The following FOXK1 variants were observed in gnomAD, a reference collection of about 807,000 sequenced individuals.
The protein encoded by FOXK1 is forkhead box protein K1.
A neutral mutation model predicts 51.9 loss-of-function variants in FOXK1; 19 were observed. The ratio of observed to expected loss-of-function variants is 0.37; its 90% CI spans 0.26 to 0.54. The LOEUF is 0.54. FOXK1 is among the 20% of genes least tolerant of loss of function. FOXK1 has a pLI of 0.87. For synonymous variants in FOXK1, 537 were observed against 482.6 expected (o/e 1.11, Z -1.48); for missense variants, 870 against 1,032.7 (o/e 0.84, Z 2.16).
Position 4,761,406 on chromosome 7 carries a change from G to C in FOXK1, c.1921+118G>C, listed in dbSNP as rs752840641. On this transcript the variant is annotated intron_variant, in intron 8 of 8. Transcript: ENST00000328914. This position sits in a 1 kb window ranked among gnomAD's most constrained non-coding sequence, Gnocchi z 6.2. ...GATCCTCCACTCAGTTCAATTTATT[G>C]AGCACCTGCTATACTCCAGGCACTG... 9.6e-7 allele frequency: 1 copy of C among 1,046,994 alleles called. No homozygotes were observed. Among genetic ancestry groups the C allele is most frequent in the Non-Finnish European group, 1.4e-6 (1 of 718,472 alleles). 64.9% of individuals were successfully genotyped at this position (1,046,994 alleles called of 1,614,324 possible).
chr7:4,745,274 G>C lies in FOXK1; in HGVS notation c.746+4251G>C, dbSNP rs1232721423. 6.6e-6 allele frequency among the ~76,000 whole-genome samples: 1 copy of C among 152,214 alleles called. No homozygotes were observed. Among genetic ancestry groups the C allele is most frequent in the Non-Finnish European group, 1.5e-5 (1 of 68,044 alleles). ...CATTGGCCGTGGAGTGGCTGGCTCG[G>C]TGTAGGCCGGGCTCGCCCAGGGCCC... is the stretch of plus-strand genomic sequence containing the variant. On this transcript the variant is annotated intron_variant, in intron 2 of 8. Transcript: ENST00000328914. The surrounding 1 kb of genome is among the most constrained non-coding windows in gnomAD (Gnocchi z 4.3).
At position 4,709,419 on chromosome 7, in the gene FOXK1, G is replaced by A. The variant is rs1254335552; in HGVS notation, c.560+26551G>A. 1.3e-5 allele frequency among the ~76,000 whole-genome samples: 2 copies of A among 152,160 alleles called. No individual in the cohort carries two copies. The highest frequency in any genetic ancestry group is 2.9e-5 in the Non-Finnish European group (2 of 68,038). Reference sequence around the variant, plus strand: ...GGACAGGGCCAGGCTCTTCCCAAGCGCACAGTCCACATAGGCTGCTTATCT... The same window carrying A: ...GGACAGGGCCAGGCTCTTCCCAAGCACACAGTCCACATAGGCTGCTTATCT... On this transcript the variant is annotated intron_variant, in intron 1 of 8. Transcript: ENST00000328914. The surrounding 1 kb of genome is among the most constrained non-coding windows in gnomAD (Gnocchi z 5.6).
intron 1 of FOXK1, among the ~76,000 whole-genome samples, chr7:4,737,455 CG>C (rs1780567691): frequency 2.0e-5 from 3 of 150,902 alleles, no homozygotes; most frequent in East Asian, 2.0e-4. Context: ...TGTGCGTGCA[CG>C]TGTGCATGTG....
chr7:4,687,854 T>A (rs1453768380), intron 1 of FOXK1, among the ~76,000 whole-genome samples: 1 of 152,136 alleles, frequency 6.6e-6, no homozygotes, highest in Admixed American at 6.6e-5. Flanking sequence ...TACTTTTCTG[T>A]GTTTTCCATG....
At chr7:4,751,240 C>T (rs1018166089) in intron 2 of FOXK1, among the ~76,000 whole-genome samples, 2 of 151,374 alleles carry the variant, frequency 1.3e-5, no homozygotes, top group Non-Finnish European at 2.9e-5. Flanking sequence ...AGGATGGTCT[C>T]GCTCTCCTGA....
chr7:4,685,630 T>C (rs1779809565), intron 1 of FOXK1, among the ~76,000 whole-genome samples: 1 of 151,834 alleles, frequency 6.6e-6, no homozygotes, highest in Non-Finnish European at 1.5e-5. Flanking sequence ...TTCTTAAGCC[T>C]GGACTACATT....
chr7:4,718,878 CG>C (rs1462644167), intron 1 of FOXK1, among the ~76,000 whole-genome samples: 2 of 151,734 alleles, frequency 1.3e-5, no homozygotes, highest in Admixed American at 6.6e-5. Context: ...GGCACAATCT[CG>C]GCTCCCCACA....
At position 4,705,976 on chromosome 7, in the gene FOXK1, A is replaced by G. The variant is rs375967738; in HGVS notation, c.560+23108A>G. ...TATATATATGTATATATATATACGT[A>G]TATATACGTATATATACGTATATAT... On this transcript the variant is annotated intron_variant, in intron 1 of 8. Coordinates refer to ENST00000328914, the MANE Select transcript of FOXK1 (RefSeq NM_001037165.2). Among the ~76,000 whole-genome samples the G allele has an allele frequency of 5.8e-4, 62 of 107,536 alleles. 3 individuals are homozygous for G. The highest frequency in any genetic ancestry group is 4.4e-3 in the Middle Eastern group (1 of 228). The allele number at this position is 107,536 out of a possible 152,430, so 70.5% of individuals were successfully genotyped here.
In FOXK1 at chr7:4,733,029, C is replaced by G. The variant is rs1311771463; in HGVS notation, c.561-7809C>G. 6.6e-6 allele frequency among the ~76,000 whole-genome samples: 1 copy of G among 152,180 alleles called. No homozygotes were observed. The highest frequency in any genetic ancestry group is 1.5e-5 in the Non-Finnish European group (1 of 68,040). On this transcript the variant is annotated intron_variant, in intron 1 of 8. Transcript: ENST00000328914. The surrounding 1 kb of genome is among the most constrained non-coding windows in gnomAD (Gnocchi z 5.0). ...GAACTTTCTCCTGAGAGCCCTGGCT[C>G]TCTCCTGCACAGCTCTGGGCTCCTG...
Position 4,755,896 on chromosome 7 carries a change from T to G in FOXK1, c.1050+513T>G, listed in dbSNP as rs1392938243. Among the ~76,000 whole-genome samples the G allele has an allele frequency of 7.5e-6, 1 of 132,534 alleles. No individual in the cohort carries two copies. The highest frequency in any genetic ancestry group is 2.8e-5 in the African/African-American group (1 of 35,476). The allele number at this position is 132,534 out of a possible 152,430, so 86.9% of individuals were successfully genotyped here. ...CTTCTGAGCCCCAGAACTGAGAAGA[T>G]GGATCTACACCTTGTTAGATTTTTG... On this transcript the variant is annotated intron_variant, in intron 4 of 8. Transcript: ENST00000328914. The surrounding 1 kb of genome is among the most constrained non-coding windows in gnomAD (Gnocchi z 6.6).
chr7:4,720,599 C>T (rs1379946669), intron 1 of FOXK1, among the ~76,000 whole-genome samples: 3 of 152,116 alleles, frequency 2.0e-5, no homozygotes, highest in Admixed American at 6.5e-5. Context: ...AGAGCCAGGC[C>T]GGGGAGACTC....
chr7:4,696,493 G>C (rs1779953876), intron 1 of FOXK1, among the ~76,000 whole-genome samples: 1 of 152,178 alleles, frequency 6.6e-6, no homozygotes, highest in South Asian at 2.1e-4. Context: ...TGCTTAATAA[G>C]CCCTCGGAGT....
intron 1 of FOXK1, among the ~76,000 whole-genome samples, chr7:4,714,062 G>T (rs1035815783): frequency 2.6e-4 from 40 of 152,164 alleles, no homozygotes; most frequent in Middle Eastern, 3.2e-3. Context: ...CTGACCTCGG[G>T]TGATCCACCC....
rs760518643 is a variant in FOXK1, at chr7:4,705,552, T to TCGCTCTCGCTCTCGCTCTCG, written c.560+22685_560+22686insGCTCTCGCTCTCGCTCTCGC. Among the ~76,000 whole-genome samples the TCGCTCTCGCTCTCGCTCTCG allele has an allele frequency of 3.3e-3, 468 of 143,626 alleles. 2 individuals are homozygous for TCGCTCTCGCTCTCGCTCTCG. Among genetic ancestry groups the TCGCTCTCGCTCTCGCTCTCG allele is most frequent in the African/African-American group, 6.5e-3 (243 of 37,190 alleles). 94.2% of individuals were successfully genotyped at this position (143,626 alleles called of 152,430 possible). ...CTCTCTCTCTCTCTCTCTCTCTCTC[T>TCGCTCTCGCTCTCGCTCTCG]CTCTCTCGCTCTCGCTCTCTCGTCG... On this transcript the variant is annotated intron_variant, in intron 1 of 8. Transcript: ENST00000328914.
intron 2 of FOXK1, among the ~76,000 whole-genome samples, chr7:4,750,262 C>A (rs1780757791): frequency 6.6e-6 from 1 of 152,094 alleles, no homozygotes; most frequent in South Asian, 2.1e-4. Flanking sequence ...CACACCTGGG[C>A]AGCTAGGGAC....
chr7:4,686,393 G>A (rs77185775), intron 1 of FOXK1, among the ~76,000 whole-genome samples: 14,518 of 152,166 alleles, frequency 0.095, 842 homozygotes, highest in Admixed American at 0.15. Context: ...GTTACTGGAA[G>A]TACGTAATTC....
At position 4,758,846 on chromosome 7, in the gene FOXK1, C is replaced by G. The variant is rs1780890352; in HGVS notation, c.1245-205C>G. ...ACCGTCCCCTCTCATGGAACGGAGCCTCCCCCATGCAGCCCCCACTCAAAT... is the reference window on the plus strand; with the variant it reads ...ACCGTCCCCTCTCATGGAACGGAGCGTCCCCCATGCAGCCCCCACTCAAAT... On this transcript the variant is annotated intron_variant, in intron 5 of 8. Transcript: ENST00000328914. This position sits in a 1 kb window ranked among gnomAD's most constrained non-coding sequence, Gnocchi z 4.4. 1.7e-6 allele frequency: 1 copy of G among 593,804 alleles called. No homozygotes were observed. The highest frequency in any genetic ancestry group is 2.9e-5 in the East Asian group (1 of 34,638). 36.8% of individuals were successfully genotyped at this position (593,804 alleles called of 1,614,324 possible).
chr7:4,771,437 A>G lies in FOXK1; in HGVS notation c.*8973A>G, dbSNP rs1461189502. 3 of 152,250 alleles carry G rather than the reference A, an allele frequency of 2.0e-5. No individual in the cohort carries two copies. The highest frequency in any genetic ancestry group is 7.2e-5 in the African/African-American group (3 of 41,400). 9.4% of individuals were successfully genotyped at this position (152,250 alleles called of 1,614,324 possible). The stretch of plus-strand genomic sequence containing the variant: ...CCAGAAATAAAATTCTATATTAAAG[A>G]AATGACCCTGCGGCTCCGGTGTGGT... On this transcript the variant is annotated 3_prime_UTR_variant, in exon 9 of 9. Coordinates refer to ENST00000328914, the MANE Select transcript of FOXK1 (RefSeq NM_001037165.2).
Position 4,753,941 on chromosome 7 carries a change from C to T in FOXK1, c.747-518C>T, listed in dbSNP as rs770408509. 5.3e-5 allele frequency among the ~76,000 whole-genome samples: 8 copies of T among 152,158 alleles called. No individual in the cohort carries two copies. Among genetic ancestry groups the T allele is most frequent in the Non-Finnish European group, 1.2e-4 (8 of 68,020 alleles). On this transcript the variant is annotated intron_variant, in intron 2 of 8. Coordinates refer to ENST00000328914, the MANE Select transcript of FOXK1 (RefSeq NM_001037165.2). The surrounding 1 kb of genome is among the most constrained non-coding windows in gnomAD (Gnocchi z 4.9). Reference sequence around the variant, plus strand: ...CATCTCTTCCCGAGGGCGGTGTCTCCAGGAGAGCCACCTGCCACGCCTTCA... The same window carrying T: ...CATCTCTTCCCGAGGGCGGTGTCTCTAGGAGAGCCACCTGCCACGCCTTCA...
Sources: allele counts gnomAD v4.1 joint callset (sites outside exome capture counted in the v4.1 genomes callset), GRCh38; gene constraint gnomAD v4.1.1; non-coding constraint Gnocchi (gnomAD v3.1); transcripts MANE v1.5; gene names NCBI Gene and HGNC (gene_info 2026-07-23, HGNC 2026-07-21).